The following KRCC1 variants were observed in gnomAD, a reference collection of about 807,000 sequenced individuals.
KRCC1 encodes the protein lysine rich coiled-coil 1.
Under a neutral mutation model 7.4 loss-of-function variants are expected in KRCC1, and 3 were observed. The ratio of observed to expected loss-of-function variants is 0.40; its 90% confidence interval spans 0.18 to 1.04. The LOEUF (loss-of-function observed/expected upper bound fraction) is 1.04, where lower values mean the gene tolerates loss of function less well. Among genes scored for constraint, KRCC1 ranks in the 50% least tolerant of loss-of-function variants. KRCC1 has a pLI of 0.33. For missense variants in KRCC1, 277 were observed against 300.9 expected (o/e 0.92, Z 0.59); for synonymous variants, 102 against 101.6 (o/e 1.00, Z -0.02).
At position 88,028,533 on chromosome 2, in the gene KRCC1, AAG is replaced by A. The variant is rs1450489722; in HGVS notation, c.29_30del (p.Ser10PhefsTer4). ...ATATAATCTTCAAGTTCATCTTGAA[AAG>A]AGTCATATGTCTTCTTTGAATGCTT... is the stretch of plus-strand genomic sequence containing the variant. The part of the protein sequence containing the change: MKHSKKTYD[S>X]FQDELEDYIK... On this transcript the variant is annotated frameshift_variant, in exon 4 of 4. Coordinates refer to ENST00000347055, the MANE Select transcript of KRCC1 (RefSeq NM_016618.3). LOFTEE classifies it low-confidence loss of function (END_TRUNC). 2 of 1,612,694 alleles carry A rather than the reference AAG, an allele frequency of 1.2e-6. No individual in the cohort carries two copies. Among genetic ancestry groups the A allele is most frequent in the Non-Finnish European group, 1.7e-6 (2 of 1,179,554 alleles).
chr2:88,039,951 G>A (rs1023314395), intron 1 of KRCC1, among the ~76,000 whole-genome samples: 3 of 151,674 alleles, frequency 2.0e-5, no homozygotes, highest in African/African-American at 7.3e-5. Context: ...GATTGCTTGA[G>A]ACCAGGAGTT....
At chr2:88,050,670 T>C (rs1286063379) in intron 1 of KRCC1, among the ~76,000 whole-genome samples, 1 of 151,102 alleles carries the variant, frequency 6.6e-6, no homozygotes, top group Non-Finnish European at 1.5e-5. Flanking sequence ...AGAATTTTTG[T>C]TGTAGTTTTG....
rs770972012 is a variant in KRCC1, at chr2:88,028,407, T to G, written c.157A>C (p.Arg53=). The G allele has an allele frequency of 1.2e-6, 2 of 1,614,180 alleles. No individual in the cohort carries two copies. Among genetic ancestry groups the G allele is most frequent in the South Asian group, 2.2e-5 (2 of 91,084 alleles). The change falls in exon 4 of 4, where the codon AGA becomes CGA. Residue 53 remains arginine (R), a synonymous_variant. Coordinates refer to ENST00000347055, the MANE Select transcript of KRCC1 (RefSeq NM_016618.3). ...TGGTCAAACATTCTATACGTGGGTC[T>G]GGAATTAACCTCTCCTTTGTACCCA... ...TCGYKGEVNS[R]PTYRMFDQRL... is the part of the protein sequence containing the mutation.
intron 1 of KRCC1, among the ~76,000 whole-genome samples, chr2:88,053,785 A>G (rs938174325): frequency 6.6e-6 from 1 of 152,240 alleles, no homozygotes; most frequent in Admixed American, 6.5e-5. Context: ...ACAAAATACA[A>G]TATCTCATCA....
At chr2:88,055,154 C>T (rs1673589000) in intron 1 of KRCC1, among the ~76,000 whole-genome samples, 1 of 151,820 alleles carries the variant, frequency 6.6e-6, no homozygotes, top group South Asian at 2.1e-4. Flanking sequence ...CTGCTTTCCC[C>T]GATTCCTAAA....
At chr2:88,040,754 AAAGAACTATGATGC>A (rs1399999646) in intron 1 of KRCC1, among the ~76,000 whole-genome samples, 15 of 152,344 alleles carry the variant, frequency 9.8e-5, no homozygotes, top group African/African-American at 3.4e-4. Context: ...AATGATATGC[AAAGAACTATGATGC>A]AAGACAAAAA....
chr2:88,054,785 G>A (rs1374048838), intron 1 of KRCC1, among the ~76,000 whole-genome samples: 2 of 152,166 alleles, frequency 1.3e-5, no homozygotes, highest in Non-Finnish European at 2.9e-5. Context: ...GTCCAGCTTC[G>A]TGTATCTCTG....
chr2:88,032,831 T>C (rs1673020598), intron 3 of KRCC1, among the ~76,000 whole-genome samples: 5 of 152,356 alleles, frequency 3.3e-5, no homozygotes, highest in Admixed American at 3.3e-4. Flanking sequence ...CTAGGCATAG[T>C]GGCTCATGCC....
chr2:88,032,811 T>C (rs1250173592), intron 3 of KRCC1, among the ~76,000 whole-genome samples: 1 of 152,114 alleles, frequency 6.6e-6, no homozygotes, highest in East Asian at 1.9e-4. Context: ...CTATTTAAAA[T>C]AGTGATACAC....
intron 1 of KRCC1, among the ~76,000 whole-genome samples, chr2:88,048,108 G>A (rs1376243520): frequency 6.6e-6 from 1 of 150,608 alleles, no homozygotes; most frequent in African/African-American, 2.4e-5. Context: ...TGAGATGGGA[G>A]TTTCACTCTT....
chr2:88,045,872 G>T (rs1673319705), intron 1 of KRCC1, among the ~76,000 whole-genome samples: 1 of 151,968 alleles, frequency 6.6e-6, no homozygotes, highest in Admixed American at 6.6e-5. Flanking sequence ...TAGAGACAGG[G>T]TTTCACCATG....
At chr2:88,050,742 T>C (rs1211312258) in intron 1 of KRCC1, among the ~76,000 whole-genome samples, 1 of 152,250 alleles carries the variant, frequency 6.6e-6, no homozygotes, top group Non-Finnish European at 1.5e-5. Context: ...CTGTCAAAAG[T>C]GTTTGAGAAA....
chr2:88,028,214 G>C lies in KRCC1; in HGVS notation c.350C>G (p.Pro117Arg). The change falls in exon 4 of 4, where the codon CCC becomes CGC. Residue 117 changes from proline to arginine, a missense_variant. Physicochemically the swap from Pro to Arg is moderately radical, Grantham distance 103. Transcript: ENST00000347055. The part of the protein sequence containing the change: ...TRDCFSEKPV[P>R]LNFNQQEYIC... ...ATATTCTTGTTGATTAAAGTTCAGG[G>C]GTACTGGTTTTTCTGAGAAACAGTC... 2 of 1,614,076 alleles carry C rather than the reference G, an allele frequency of 1.2e-6. No homozygotes were observed. The highest frequency in any genetic ancestry group is 1.7e-6 in the Non-Finnish European group (2 of 1,180,016).
chr2:88,046,900 C>G (rs1256105051), intron 1 of KRCC1, among the ~76,000 whole-genome samples: 1 of 152,164 alleles, frequency 6.6e-6, no homozygotes, highest in African/African-American at 2.4e-5. Context: ...TCTCGAACCT[C>G]TGGGCTGAAG....
At chr2:88,052,832 A>G (rs1673525573) in intron 1 of KRCC1, among the ~76,000 whole-genome samples, 1 of 152,254 alleles carries the variant, frequency 6.6e-6, no homozygotes, top group Non-Finnish European at 1.5e-5. Flanking sequence ...ATTGCGTGAA[A>G]TGACCTACAA....
intron 1 of KRCC1, among the ~76,000 whole-genome samples, chr2:88,037,785 T>C (rs955865053): frequency 2.0e-5 from 3 of 152,212 alleles, no homozygotes; most frequent in Non-Finnish European, 4.4e-5. Context: ...TTTCACTGAA[T>C]AGAGCTCAGA....
At chr2:88,051,161 A>G (rs1320831486) in intron 1 of KRCC1, among the ~76,000 whole-genome samples, 3 of 152,078 alleles carry the variant, frequency 2.0e-5, no homozygotes, top group East Asian at 1.9e-4. Flanking sequence ...CCTGGGCTCA[A>G]GCAATCCTCT....
At chr2:88,047,042 C>T (rs1319982006) in intron 1 of KRCC1, among the ~76,000 whole-genome samples, 2 of 152,160 alleles carry the variant, frequency 1.3e-5, no homozygotes, top group Non-Finnish European at 2.9e-5. Flanking sequence ...TGCACATCAA[C>T]TACTGTATTA....
chr2:88,053,676 CA>C (rs1673548906), intron 1 of KRCC1, among the ~76,000 whole-genome samples: 1 of 152,126 alleles, frequency 6.6e-6, no homozygotes, highest in Admixed American at 6.6e-5. Flanking sequence ...AAAGTGCTTA[CA>C]AAAATGTTTT....
Sources: gnomAD v4.1 joint callset for allele counts (sites outside exome capture counted in the v4.1 genomes callset) on GRCh38, gnomAD v4.1.1 for gene constraint, MANE v1.5 for transcripts, NCBI Gene and HGNC (gene_info 2026-07-23, HGNC 2026-07-21) for gene names.